The following PDCL variants were observed in gnomAD, a reference collection of about 807,000 sequenced individuals.
The protein encoded by PDCL is phosducin-like protein.
A neutral mutation model predicts 26.7 loss-of-function variants in PDCL; 11 were observed. The ratio of observed to expected loss-of-function variants is 0.41; its 90% CI spans 0.26 to 0.68. The LOEUF is 0.68. Ranked by LOEUF, PDCL falls within the 30% of genes least tolerant of loss-of-function variation. PDCL has a pLI of 0.30. For synonymous variants in PDCL, 118 were observed against 134.9 expected, an observed-to-expected ratio of 0.87 and a Z score of 0.87; for missense variants, 330 against 371.6, an observed-to-expected ratio of 0.89 and a Z score of 0.92.
intron 1 of PDCL, among the ~76,000 whole-genome samples, chr9:122,827,068 C>T (rs1219834415): frequency 6.6e-6 from 1 of 152,204 alleles, no homozygotes; most frequent in African/African-American, 2.4e-5. Flanking sequence ...CCCAGGGATT[C>T]CTGACTCCAA....
intron 2 of PDCL, among the ~76,000 whole-genome samples, chr9:122,825,912 T>C (rs72753234): frequency 0.011 from 1,706 of 152,114 alleles, 12 homozygotes; most frequent in Non-Finnish European, 0.018. Flanking sequence ...AAGAAATAAA[T>C]TAGCTGGGCA....
Position 122,820,483 on chromosome 9 carries a change from A to G in PDCL, c.508T>C (p.Phe170Leu). ...TGTTCTTTATCAATCATGTCTAAAAACCCTTCTCCACTGGAGATCTCAAAA... is the reference window on the plus strand; with the variant it reads ...TGTTCTTTATCAATCATGTCTAAAAGCCCTTCTCCACTGGAGATCTCAAAA... ...QVFEISSGEGFLDMIDKEQKS... is the reference protein window; with the variant it reads ...QVFEISSGEGLLDMIDKEQKS... Residue 170 changes from phenylalanine (F) to leucine (L), a missense_variant, in exon 4 of 4, where the codon TTT becomes CTT. By Grantham distance (22) the Phe-to-Leu change is conservative (BLOSUM62 0). Coordinates refer to ENST00000259467, the MANE Select transcript of PDCL (RefSeq NM_005388.5). 6.2e-7 allele frequency: 1 copy of G among 1,613,776 alleles called. No individual in the cohort carries two copies.
Position 122,820,584 on chromosome 9 carries a change from A to T in PDCL, c.407T>A (p.Phe136Tyr), listed in dbSNP as rs1829540719. 2 of 1,613,640 alleles carry T rather than the reference A, an allele frequency of 1.2e-6. No homozygotes were observed. The highest frequency in any genetic ancestry group is 1.3e-5 in the African/African-American group (1 of 74,812). The change falls in exon 4 of 4, where the codon TTT (phenylalanine) becomes TAT (tyrosine). Residue 136 changes from phenylalanine to tyrosine, a missense_variant. Physicochemically the swap from Phe to Tyr is conservative, Grantham distance 22 (BLOSUM62 3). Transcript: ENST00000259467. Reference sequence around the variant, plus strand: ...TCGCTGCTTCCGGTACTGCTGCAGAAACTCTTCATCATCTTGGTCCTCATT... The same window carrying T: ...TCGCTGCTTCCGGTACTGCTGCAGATACTCTTCATCATCTTGGTCCTCATT... ...IMNEDQDDEE[F>Y]LQQYRKQRME...
At chr9:122,827,875 A>G (rs541709480) in intron 1 of PDCL, among the ~76,000 whole-genome samples, 1 of 152,156 alleles carries the variant, frequency 6.6e-6, no homozygotes, top group East Asian at 1.9e-4. Context: ...AAGACTTATC[A>G]CCGGGCCTAT....
In PDCL at chr9:122,826,662, C is replaced by T. The variant is rs35478679; in HGVS notation, c.126G>A (p.Val42=). The part of the protein sequence containing the change: ...RGRCAPASSS[V]PAEAELAGEG... Reference sequence around the variant, plus strand: ...CGCCTGCCAGCTCAGCCTCTGCAGGCACAGAACTGCTGGCTGGGGCACATC... The same window carrying T: ...CGCCTGCCAGCTCAGCCTCTGCAGGTACAGAACTGCTGGCTGGGGCACATC... Residue 42 remains valine, a synonymous_variant, in exon 2 of 4, where the codon GTG becomes GTA. Coordinates refer to ENST00000259467, the MANE Select transcript of PDCL (RefSeq NM_005388.5). 1 of 1,614,190 alleles carries T rather than the reference C, an allele frequency of 6.2e-7. No homozygotes were observed. Among genetic ancestry groups the T allele is most frequent in the Non-Finnish European group, 8.5e-7 (1 of 1,180,032 alleles).
At position 122,825,287 on chromosome 9, in the gene PDCL, G is replaced by A. The variant is rs866497980; in HGVS notation, c.172+1329C>T. Among the ~76,000 whole-genome samples the A allele has an allele frequency of 4.0e-5, 6 of 151,754 alleles. 1 individual carries two copies. Among genetic ancestry groups the A allele is most frequent in the Middle Eastern group, 6.8e-3 (2 of 294 alleles). On this transcript the variant is annotated intron_variant, in intron 2 of 3. Coordinates refer to ENST00000259467, the MANE Select transcript of PDCL (RefSeq NM_005388.5). Reference sequence around the variant, plus strand: ...AGCAATTCTCCTTCCTCAGCCTCCCGAGTAGTTGGGCCTACAGCCGCATGC... The same window carrying A: ...AGCAATTCTCCTTCCTCAGCCTCCCAAGTAGTTGGGCCTACAGCCGCATGC...
chr9:122,826,083 A>G (rs1298238568), intron 2 of PDCL, among the ~76,000 whole-genome samples: 2 of 152,172 alleles, frequency 1.3e-5, no homozygotes, highest in Non-Finnish European at 2.9e-5. Context: ...CAAGGTGAGA[A>G]CTTGTCTTAA....
At chr9:122,822,411 A>C (rs1829565000) in intron 3 of PDCL, among the ~76,000 whole-genome samples, 1 of 151,556 alleles carries the variant, frequency 6.6e-6, no homozygotes, top group Non-Finnish European at 1.5e-5. Flanking sequence ...AAAAAAGGCC[A>C]TCAGGTGCCT....
Position 122,825,333 on chromosome 9 carries a change from T to C in PDCL, c.172+1283A>G, listed in dbSNP as rs545760734. On this transcript the variant is annotated intron_variant, in intron 2 of 3. Coordinates refer to ENST00000259467, the MANE Select transcript of PDCL (RefSeq NM_005388.5). ...CATGCCCCCACACCTGGCTAACTTT[T>C]TGTATTTTAGTAGAGACGGGATTTC... is the stretch of plus-strand genomic sequence containing the variant. Among the ~76,000 whole-genome samples, 9 of 152,192 alleles carry C rather than the reference T, an allele frequency of 5.9e-5. No homozygotes were observed. The South Asian group carries it at 1.5e-3, about 25-fold the overall frequency.
intron 2 of PDCL, among the ~76,000 whole-genome samples, chr9:122,823,468 G>A (rs1829581035): frequency 6.6e-6 from 1 of 152,162 alleles, no homozygotes; most frequent in Non-Finnish European, 1.5e-5. Flanking sequence ...AACTCTTAGA[G>A]TAAAGCAGCT....
At chr9:122,828,232 G>C (rs764961882) in intron 1 of PDCL, among the ~76,000 whole-genome samples, 5 of 152,268 alleles carry the variant, frequency 3.3e-5, no homozygotes, top group East Asian at 1.9e-4. Context: ...CCCTGGAGAC[G>C]CGAGCAGAGG....
Position 122,823,058 on chromosome 9 carries a change from C to T in PDCL, c.312G>A (p.Glu104=), listed in dbSNP as rs1249850140. 1 of 1,614,168 alleles carries T rather than the reference C, an allele frequency of 6.2e-7. No homozygotes were observed. The highest frequency in any genetic ancestry group is 8.5e-7 in the Non-Finnish European group (1 of 1,180,012). ...TCRSHLDEEE[E]QQKQKDLQEK... ...CCTGGAGGTCTTTCTGTTTCTGTTG[C>T]TCCTCCTCTTCATCCAGATGGGACC... is the stretch of plus-strand genomic sequence containing the variant. The change falls in exon 3 of 4, where the codon GAG becomes GAA. Residue 104 remains glutamate (E), a synonymous_variant. Transcript: ENST00000259467.
Position 122,818,158 on chromosome 9 carries a change from C to T in PDCL, c.*1927G>A, listed in dbSNP as rs1351558311. On this transcript the variant is annotated 3_prime_UTR_variant, in exon 4 of 4. Coordinates refer to ENST00000259467, the MANE Select transcript of PDCL (RefSeq NM_005388.5). Reference sequence around the variant, plus strand: ...TGGCATGTGCCTGTAGTCCCAGCTACTCAGGAGGCTGAGGCAGGAGAACTG... The same window carrying T: ...TGGCATGTGCCTGTAGTCCCAGCTATTCAGGAGGCTGAGGCAGGAGAACTG... 6.6e-6 allele frequency among the ~76,000 whole-genome samples: 1 copy of T among 152,192 alleles called. No homozygotes were observed. The highest frequency in any genetic ancestry group is 1.5e-5 in the Non-Finnish European group (1 of 68,038).
Position 122,818,420 on chromosome 9 carries a change from G to A in PDCL, c.*1665C>T, listed in dbSNP as rs2131360334. The A allele has an allele frequency of 6.6e-6, 1 of 152,084 alleles. No homozygotes were observed. The highest frequency in any genetic ancestry group is 3.4e-3 in the Middle Eastern group (1 of 294). The allele number at this position is 152,084 out of a possible 1,614,324, so 9.4% of individuals were successfully genotyped here. A position where few individuals can be genotyped will look rare whatever the true frequency, so the allele number is the denominator to read the frequency against. On this transcript the variant is annotated 3_prime_UTR_variant, in exon 4 of 4. Transcript: ENST00000259467. ...TATTTATGATACAACACTAAATAAG[G>A]AAGAGCACAGAACTAAATTCAGTAA...
chr9:122,828,159 G>C (rs1196276348), intron 1 of PDCL, among the ~76,000 whole-genome samples: 1 of 152,152 alleles, frequency 6.6e-6, no homozygotes, highest in Non-Finnish European at 1.5e-5. Context: ...CAGCGGCGGA[G>C]GGGAGGGAAG....
At chr9:122,823,675 A>G (rs949097249) in intron 2 of PDCL, among the ~76,000 whole-genome samples, 1 of 152,188 alleles carries the variant, frequency 6.6e-6, no homozygotes, top group Non-Finnish European at 1.5e-5. Flanking sequence ...AGGATATGTA[A>G]GCTGTTAACA....
chr9:122,820,103 G>A lies in PDCL; in HGVS notation c.888C>T (p.Ser296=), dbSNP rs768619526. 1.1e-5 allele frequency: 17 copies of A among 1,608,176 alleles called. No individual in the cohort carries two copies. The highest frequency in any genetic ancestry group is 3.4e-5 in the Admixed American group (2 of 59,244). ...RNSATCHSED[S]DLEID is the part of the protein sequence containing the mutation. ...TATCAGTTCAATCTATTTCCAGGTC[G>A]CTATCCTCACTGTGACACGTGGCAG... The change falls in exon 4 of 4, where the codon AGC becomes AGT. Residue 296 remains serine (S), a synonymous_variant. Transcript: ENST00000259467.
intron 3 of PDCL, among the ~76,000 whole-genome samples, chr9:122,822,493 G>C (rs1829565608): frequency 1.3e-5 from 2 of 151,998 alleles, no homozygotes; most frequent in Non-Finnish European, 2.9e-5. Flanking sequence ...TCATGAATAG[G>C]CTTCAGATGA....
chr9:122,828,523 G>A lies in PDCL; in HGVS notation c.-58C>T, dbSNP rs1309224736. ...GGGCCAGCAGCTCCGGGCGCCGGAA[G>A]GAATGGAGCACTTTCTTAAGAGGAA... On this transcript the variant is annotated 5_prime_UTR_variant, in exon 1 of 4. Coordinates refer to ENST00000259467, the MANE Select transcript of PDCL (RefSeq NM_005388.5). The A allele has an allele frequency of 6.6e-6, 1 of 152,310 alleles. No homozygotes were observed. Among genetic ancestry groups the A allele is most frequent in the Non-Finnish European group, 1.5e-5 (1 of 68,116 alleles). 9.4% of individuals were successfully genotyped at this position (152,310 alleles called of 1,614,324 possible). A position where few individuals can be genotyped will look rare whatever the true frequency, so the allele number is the denominator to read the frequency against.
Sources: allele counts gnomAD v4.1 joint callset (sites outside exome capture counted in the v4.1 genomes callset), GRCh38; gene constraint gnomAD v4.1.1; transcripts MANE v1.5; gene names NCBI Gene and HGNC (gene_info 2026-07-23, HGNC 2026-07-21).